Variants in DACH2 observed in about 807,000 individuals in gnomAD.
DACH2 encodes the protein dachshund family transcription factor 2.
DACH2 carries 17 observed loss-of-function variants against 35.8 expected under a neutral mutation model. That is an observed-to-expected ratio of 0.48 (90% CI 0.33 to 0.71). DACH2 has a LOEUF of 0.71. Ranked by LOEUF, DACH2 falls within the 30% of genes least tolerant of loss-of-function variation. The pLI is 0.02. For synonymous variants in DACH2, 195 were observed against 177.3 expected, an observed-to-expected ratio of 1.10 and a Z score of -0.79; for missense variants, 469 against 472.7, an observed-to-expected ratio of 0.99 and a Z score of 0.07.
At chrX:86,563,904 G>A (rs1433498923) in intron 3 of DACH2, among the ~76,000 whole-genome samples, 2 of 110,809 alleles carry the variant, frequency 1.8e-5, no homozygotes, top group Non-Finnish European at 3.8e-5. Flanking sequence ...ATATTTTATT[G>A]ATTATACAAA....
intron 2 of DACH2, among the ~76,000 whole-genome samples, chrX:86,504,299 G>A (rs1347791481): frequency 1.8e-5 from 2 of 110,184 alleles, no homozygotes; most frequent in Non-Finnish European, 3.8e-5. Context: ...TTTATTTCTG[G>A]TTTGTTGTAT....
At chrX:86,164,844 G>A (rs967746257) in intron 1 of DACH2, among the ~76,000 whole-genome samples, 1 of 111,603 alleles carries the variant, frequency 9.0e-6, no homozygotes, top group Non-Finnish European at 1.9e-5. Context: ...TAGTCCTGTA[G>A]TATAGTATGA....
At chrX:86,595,682 A>G (rs1391577876) in intron 3 of DACH2, among the ~76,000 whole-genome samples, 1 of 109,353 alleles carries the variant, frequency 9.1e-6, no homozygotes, top group Non-Finnish European at 1.9e-5. Context: ...CTTTCTTTCT[A>G]TATGTGTTTC....
At chrX:86,656,857 G>GTATATATATATATATATA (rs752576150) in intron 4 of DACH2, among the ~76,000 whole-genome samples, 20 of 66,735 alleles carry the variant, frequency 3.0e-4, no homozygotes, top group East Asian at 1.0e-3. Flanking sequence ...GTGTGTGTGT[G>GTATATATATATATATATA]TATATATATA....
chrX:86,328,480 A>G (rs1474480727), intron 1 of DACH2, among the ~76,000 whole-genome samples: 1 of 112,037 alleles, frequency 8.9e-6, no homozygotes, highest in Non-Finnish European at 1.9e-5. Flanking sequence ...GTTAATCCCC[A>G]TGCAGTATTG....
chrX:86,294,183 A>G (rs2034384083), intron 1 of DACH2, among the ~76,000 whole-genome samples: 1 of 110,952 alleles, frequency 9.0e-6, no homozygotes, highest in African/African-American at 3.3e-5. Flanking sequence ...TTCATCTTCC[A>G]TCACTGATAC....
intron 2 of DACH2, among the ~76,000 whole-genome samples, chrX:86,384,020 A>T (rs1212093173): frequency 9.0e-6 from 1 of 111,439 alleles, no homozygotes; most frequent in Non-Finnish European, 1.9e-5. Flanking sequence ...GAGGATACTT[A>T]TCTGAATGTT....
At chrX:86,465,931 G>A (rs66994211) in intron 2 of DACH2, among the ~76,000 whole-genome samples, 4,139 of 111,393 alleles carry the variant, frequency 0.037, 83 homozygotes, top group East Asian at 0.22. Context: ...CTGTACAATC[G>A]ATATGCAAAC....
chrX:86,709,932 G>T lies in DACH2; in HGVS notation c.932-4616G>T, dbSNP rs756144606. 1.1e-3 allele frequency among the ~76,000 whole-genome samples: 125 copies of T among 111,866 alleles called. 1 individual carries two copies. The highest frequency in any genetic ancestry group is 1.7e-3 in the Non-Finnish European group (91 of 53,075). ...TTGGAACAACAGGAACTTTCAGTTT[G>T]GTTTTAATGGAAATGCAAAATACTA... On this transcript the variant is annotated intron_variant, in intron 5 of 11. Coordinates refer to ENST00000373125, the MANE Select transcript of DACH2 (RefSeq NM_053281.3).
intron 2 of DACH2, among the ~76,000 whole-genome samples, chrX:86,424,781 G>GT (rs2036864897): frequency 9.0e-6 from 1 of 111,060 alleles, no homozygotes; most frequent in Non-Finnish European, 1.9e-5. Flanking sequence ...AAGGCTTTCG[G>GT]TTTTTCCCCA....
At chrX:86,794,533 G>A (rs1394357257) in intron 7 of DACH2, among the ~76,000 whole-genome samples, 2 of 110,539 alleles carry the variant, frequency 1.8e-5, no homozygotes, top group Non-Finnish European at 3.8e-5. Flanking sequence ...TTTACAACAT[G>A]TATTATTCCA....
At chrX:86,369,811 AC>A (rs2035859782) in intron 1 of DACH2, among the ~76,000 whole-genome samples, 1 of 111,767 alleles carries the variant, frequency 8.9e-6, no homozygotes, top group Non-Finnish European at 1.9e-5. Flanking sequence ...TTTCTGATAA[AC>A]TTTGGCTACT....
intron 5 of DACH2, among the ~76,000 whole-genome samples, chrX:86,708,349 T>C (rs903119093): frequency 9.0e-6 from 1 of 111,064 alleles, no homozygotes; most frequent in African/African-American, 3.3e-5. Context: ...AAAAACTGTA[T>C]TGGTTCAAAG....
chrX:86,269,239 G>C (rs1305515262), intron 1 of DACH2, among the ~76,000 whole-genome samples: 1 of 111,207 alleles, frequency 9.0e-6, no homozygotes, highest in Non-Finnish European at 1.9e-5. Context: ...TGTGATGTTT[G>C]CAATGTTTAT....
intron 3 of DACH2, among the ~76,000 whole-genome samples, chrX:86,637,285 T>TATACTGTTG (rs1044955136): frequency 3.4e-5 from 3 of 88,645 alleles, no homozygotes; most frequent in African/African-American, 1.3e-4. Flanking sequence ...GGAACACTTA[T>TATACTGTTG]ATACTGTTGG....
chrX:86,261,474 G>C (rs968585962), intron 1 of DACH2, among the ~76,000 whole-genome samples: 1 of 111,547 alleles, frequency 9.0e-6, no homozygotes, highest in Non-Finnish European at 1.9e-5. Context: ...TTTCCTTCTT[G>C]ACTCCATTTT....
intron 1 of DACH2, among the ~76,000 whole-genome samples, chrX:86,247,946 G>T (rs1184039230): frequency 9.0e-6 from 1 of 110,652 alleles, no homozygotes; most frequent in Non-Finnish European, 1.9e-5. Flanking sequence ...AAAACCACAT[G>T]GTCATCTCAA....
intron 1 of DACH2, among the ~76,000 whole-genome samples, chrX:86,166,032 G>A (rs1180833621): frequency 9.0e-6 from 1 of 111,405 alleles, no homozygotes; most frequent in Non-Finnish European, 1.9e-5. Flanking sequence ...TAGGAATCTA[G>A]TTTCATTCCT....
rs1210149988 is a variant in DACH2, at chrX:86,193,319, T to C, written c.488+44211T>C. On this transcript the variant is annotated intron_variant, in intron 1 of 11. Transcript: ENST00000373125. ...TTATCTCTGTGTTTATTAATAGTGT[T>C]GTCAGTTGCTATTTTTGCATTTCTT... 4.5e-5 allele frequency among the ~76,000 whole-genome samples: 5 copies of C among 111,780 alleles called. No individual in the cohort carries two copies. The East Asian group carries it at 1.4e-3, about 31-fold the overall frequency.
Sources: allele counts gnomAD v4.1 joint callset (sites outside exome capture counted in the v4.1 genomes callset), GRCh38; gene constraint gnomAD v4.1.1; transcripts MANE v1.5; gene names NCBI Gene and HGNC (gene_info 2026-07-23, HGNC 2026-07-21).